COG5: variants seen among roughly 807,000 people sequenced by gnomAD.
COG5 encodes conserved oligomeric Golgi complex subunit 5.
A neutral mutation model predicts 110.4 loss-of-function variants in COG5; 86 were observed. The observed-to-expected ratio is 0.78, with a 90% CI of 0.65 to 0.93. The LOEUF is 0.93. Among genes scored for constraint, COG5 ranks in the 40% least tolerant of loss-of-function variants. The pLI, the probability that COG5 is intolerant of heterozygous loss-of-function variation, is 0.00. For missense variants in COG5, 1,077 were observed against 987.0 expected, an observed-to-expected ratio of 1.09 and a Z score of -1.22; for synonymous variants, 360 against 334.6, an observed-to-expected ratio of 1.08 and a Z score of -0.83.
chr7:107,374,367 A>G (rs918394047), intron 7 of COG5, among the ~76,000 whole-genome samples: 12 of 152,212 alleles, frequency 7.9e-5, no homozygotes. Flanking sequence ...ACATCAAAGA[A>G]TACTTTCACC....
intron 10 of COG5, among the ~76,000 whole-genome samples, chr7:107,331,252 G>A (rs1810213306): frequency 6.6e-6 from 1 of 152,094 alleles, no homozygotes; most frequent in African/African-American, 2.4e-5. Flanking sequence ...GAGATCACGA[G>A]GTCAGGAGAT....
At chr7:107,394,105 G>C (rs1348357154) in intron 7 of COG5, among the ~76,000 whole-genome samples, 4 of 151,808 alleles carry the variant, frequency 2.6e-5, no homozygotes, top group Non-Finnish European at 5.9e-5. Flanking sequence ...GGGACTACAG[G>C]CACCCGCCAC....
intron 6 of COG5, among the ~76,000 whole-genome samples, chr7:107,513,353 A>AT (rs1799680687): frequency 6.6e-6 from 1 of 151,988 alleles, no homozygotes; most frequent in African/African-American, 2.4e-5. Flanking sequence ...ATGAGATACC[A>AT]TCTCACACCA....
chr7:107,465,346 G>A (rs1796236571), intron 6 of COG5, among the ~76,000 whole-genome samples: 1 of 152,032 alleles, frequency 6.6e-6, no homozygotes, highest in African/African-American at 2.4e-5. Flanking sequence ...AAAAAATTAG[G>A]TGCTACTTCA....
At chr7:107,207,717 C>T in intron 21 of COG5, 1 of 960,916 alleles carries the variant, frequency 1.0e-6, no homozygotes, top group South Asian at 4.8e-5. Flanking sequence ...AGGCTGAACA[C>T]ATACAACTGC....
intron 6 of COG5, among the ~76,000 whole-genome samples, chr7:107,504,569 T>C (rs570127062): frequency 2.2e-4 from 34 of 152,346 alleles, no homozygotes; most frequent in African/African-American, 6.5e-4. Context: ...TGCAGTAAGA[T>C]TGATACCAGT....
intron 16 of COG5, 52 bp from the exon 17 acceptor site, chr7:107,248,551 A>G: frequency 8.0e-7 from 1 of 1,249,064 alleles, no homozygotes; most frequent in Non-Finnish European, 1.2e-6. Flanking sequence ...AAAGAAAAAC[A>G]ACCCAAAGAA....
intron 19 of COG5, among the ~76,000 whole-genome samples, chr7:107,218,149 G>A (rs1799655960): frequency 6.6e-6 from 1 of 151,926 alleles, no homozygotes; most frequent in Admixed American, 6.6e-5. Context: ...ATTTAACCAT[G>A]GAAGTGAAAG....
chr7:107,264,552 TGTG>T (rs1803644365), intron 14 of COG5, among the ~76,000 whole-genome samples: 1 of 151,638 alleles, frequency 6.6e-6, no homozygotes, highest in African/African-American at 2.4e-5. Flanking sequence ...ATTAGCCAGG[TGTG>T]GTGGTACGCG....
chr7:107,418,014 A>C (rs1474528824), intron 6 of COG5, among the ~76,000 whole-genome samples: 1 of 152,188 alleles, frequency 6.6e-6, no homozygotes, highest in Non-Finnish European at 1.5e-5. Flanking sequence ...AATTATCTAA[A>C]AAGCTCCACA....
At chr7:107,390,650 AG>A (rs1406229590) in intron 7 of COG5, among the ~76,000 whole-genome samples, 1 of 151,322 alleles carries the variant, frequency 6.6e-6, no homozygotes, top group Non-Finnish European at 1.5e-5. Context: ...GCCATATGGA[AG>A]GGTATGCAAG....
chr7:107,356,242 T>C (rs907420990), intron 10 of COG5, among the ~76,000 whole-genome samples: 2 of 152,190 alleles, frequency 1.3e-5, no homozygotes, highest in Admixed American at 6.5e-5. Flanking sequence ...TACAGAAGCA[T>C]TGAAACCAAA....
intron 7 of COG5, among the ~76,000 whole-genome samples, chr7:107,404,760 G>A (rs879685959): frequency 1.3e-5 from 2 of 151,960 alleles, no homozygotes; most frequent in Non-Finnish European, 2.9e-5. Flanking sequence ...TAGAGCAGAG[G>A]TGGTGTGAGA....
At position 107,439,882 on chromosome 7, in the gene COG5, G is replaced by A. The variant is rs192236670; in HGVS notation, c.539-27250C>T. Among the ~76,000 whole-genome samples, 8 of 152,248 alleles carry A rather than the reference G, an allele frequency of 5.3e-5. No individual in the cohort carries two copies. The East Asian group carries it at 7.7e-4, about 15-fold the overall frequency. Reference sequence around the variant, plus strand: ...AGAGAAGGACTCTAAGTTTGGTAAGGTGAACTTGCAAAGGGGAGAGGCAGG... The same window carrying A: ...AGAGAAGGACTCTAAGTTTGGTAAGATGAACTTGCAAAGGGGAGAGGCAGG... On this transcript the variant is annotated intron_variant, in intron 6 of 21. Coordinates refer to ENST00000297135, the MANE Select transcript of COG5 (RefSeq NM_006348.5).
intron 10 of COG5, among the ~76,000 whole-genome samples, chr7:107,346,451 C>T (rs1186773139): frequency 6.6e-6 from 1 of 152,146 alleles, no homozygotes; most frequent in Non-Finnish European, 1.5e-5. Context: ...ACTGCCTAGG[C>T]AAAACTTGTT....
intron 6 of COG5, among the ~76,000 whole-genome samples, chr7:107,452,843 A>G (rs1386028069): frequency 1.3e-5 from 2 of 152,178 alleles, no homozygotes; most frequent in East Asian, 1.9e-4. Flanking sequence ...CACTTTCACC[A>G]ATCTGAACAA....
intron 8 of COG5, 114 bp downstream of exon 8, chr7:107,372,481 T>C: frequency 7.2e-6 from 7 of 972,042 alleles, no homozygotes; most frequent in Non-Finnish European, 1.1e-5. Flanking sequence ...TCATTTTCTG[T>C]CTACTAAAAA....
chr7:107,434,781 T>G (rs191547300), intron 6 of COG5, among the ~76,000 whole-genome samples: 7 of 151,932 alleles, frequency 4.6e-5, no homozygotes, highest in Non-Finnish European at 1.0e-4. Context: ...CCATCCTGGC[T>G]AACACAGTGA....
chr7:107,213,949 C>A (rs192444711), intron 19 of COG5, among the ~76,000 whole-genome samples: 1 of 151,770 alleles, frequency 6.6e-6, no homozygotes, highest in African/African-American at 2.4e-5. Context: ...GAATGACCAA[C>A]AAAAAATACA....
Sources: gnomAD v4.1 joint callset for allele counts (sites outside exome capture counted in the v4.1 genomes callset) on GRCh38, gnomAD v4.1.1 for gene constraint, MANE v1.5 for transcripts, NCBI Gene and HGNC (gene_info 2026-07-23, HGNC 2026-07-21) for gene names.